Variants in CTNND2 observed in about 807,000 individuals in gnomAD.
The protein encoded by CTNND2 is catenin delta-2.
A neutral mutation model predicts 144.4 loss-of-function variants in CTNND2; 22 were observed. The observed-to-expected ratio is 0.15, with a 90% CI of 0.11 to 0.22. CTNND2 has a LOEUF of 0.22. CTNND2 is among the 10% of genes least tolerant of loss of function. The pLI is 1.00. For synonymous variants in CTNND2, 751 were observed against 695.6 expected (o/e 1.08, Z -1.25); for missense variants, 1,353 against 1,618.8 (o/e 0.84, Z 2.82).
intron 2 of CTNND2, among the ~76,000 whole-genome samples, chr5:11,651,770 G>C (rs189849376): frequency 1.3e-5 from 2 of 152,334 alleles, no homozygotes; most frequent in African/African-American, 2.4e-5. Context: ...ACTTGCATGA[G>C]GCCTGTAGCC....
chr5:11,049,460 T>C (rs113430680), intron 16 of CTNND2, among the ~76,000 whole-genome samples: 2,816 of 152,238 alleles, frequency 0.018, 96 homozygotes, highest in African/African-American at 0.064. Context: ...TTCAACCTAA[T>C]GAAAGAAACC....
intron 1 of CTNND2, among the ~76,000 whole-genome samples, chr5:11,870,150 G>A (rs928728135): frequency 1.3e-5 from 2 of 152,142 alleles, no homozygotes; most frequent in Non-Finnish European, 2.9e-5. Context: ...TTGGGTCCAC[G>A]GAAAGCCTCT....
intron 2 of CTNND2, among the ~76,000 whole-genome samples, chr5:11,567,900 G>A (rs1052339719): frequency 1.3e-4 from 20 of 152,174 alleles, no homozygotes. Context: ...GTTCTGGATA[G>A]GTTTGTATTC....
rs1489900993 is a variant in CTNND2, at chr5:11,255,796, T to C, written c.1629-18973A>G. Among the ~76,000 whole-genome samples the C allele has an allele frequency of 2.6e-5, 4 of 152,292 alleles. No individual in the cohort carries two copies. The South Asian group carries it at 8.3e-4, about 32-fold the overall frequency. The stretch of plus-strand genomic sequence containing the variant: ...AGAGCTGGAAACTCACTTTCCATAA[T>C]ACTCCCATTGCTGGAGCCATGGCCC... On this transcript the variant is annotated intron_variant, in intron 9 of 21. Transcript: ENST00000304623.
At position 11,008,981 on chromosome 5, in the gene CTNND2, C is replaced by T. The variant is rs145247765; in HGVS notation, c.3084+8993G>A. ...CCATGGAGCCATGAACTTTCATGCC[C>T]GCCCATCGCATGGGCCCCTTCCAGG... On this transcript the variant is annotated intron_variant, in intron 18 of 21. Coordinates refer to ENST00000304623, the MANE Select transcript of CTNND2 (RefSeq NM_001332.4). Among the ~76,000 whole-genome samples, 511 of 152,290 alleles carry T rather than the reference C, an allele frequency of 3.4e-3. 10 individuals are homozygous for T. The highest frequency in any genetic ancestry group is 1.5e-3 in the Non-Finnish European group (101 of 68,034).
chr5:11,654,004 TC>T (rs1419704271), intron 2 of CTNND2, among the ~76,000 whole-genome samples: 2 of 152,102 alleles, frequency 1.3e-5, no homozygotes, highest in Non-Finnish European at 2.9e-5. Context: ...ACTGTCCTTT[TC>T]CCTTTGTTTG....
At chr5:11,321,098 C>T (rs928274556) in intron 9 of CTNND2, among the ~76,000 whole-genome samples, 1 of 152,130 alleles carries the variant, frequency 6.6e-6, no homozygotes, top group Non-Finnish European at 1.5e-5. Context: ...TATCATCTTT[C>T]TACTGTTCGT....
intron 1 of CTNND2, among the ~76,000 whole-genome samples, chr5:11,817,377 G>A (rs1231461817): frequency 2.1e-5 from 1 of 48,584 alleles, no homozygotes; most frequent in African/African-American, 8.8e-5. Context: ...GAGAGAGGGG[G>A]GGAGAGAGGG....
chr5:11,769,320 A>C (rs1789782887), intron 1 of CTNND2, among the ~76,000 whole-genome samples: 1 of 152,184 alleles, frequency 6.6e-6, no homozygotes. Context: ...AACAGTATTA[A>C]CAGAAATGAT....
intron 1 of CTNND2, among the ~76,000 whole-genome samples, chr5:11,747,918 T>C (rs1581817081): frequency 6.6e-6 from 1 of 152,136 alleles, no homozygotes; most frequent in East Asian, 1.9e-4. Flanking sequence ...ATTGCAAATA[T>C]GTATCTGCCA....
chr5:11,374,602 G>C (rs950568523), intron 7 of CTNND2, among the ~76,000 whole-genome samples: 1 of 152,054 alleles, frequency 6.6e-6, no homozygotes, highest in East Asian at 1.9e-4. Context: ...TCCTTATCAA[G>C]GAGGGGGATA....
At chr5:11,711,695 T>C in intron 2 of CTNND2, among the ~76,000 whole-genome samples, 1 of 152,228 alleles carries the variant, frequency 6.6e-6, no homozygotes, top group East Asian at 1.9e-4. Context: ...TGTAACAAAA[T>C]ATATTTACAA....
intron 2 of CTNND2, among the ~76,000 whole-genome samples, chr5:11,634,468 G>A (rs915012480): frequency 2.0e-5 from 3 of 152,112 alleles, no homozygotes; most frequent in Non-Finnish European, 4.4e-5. Flanking sequence ...TCCCGTGCAC[G>A]ATTTCTCCAG....
At chr5:11,749,529 G>GTTCAA (rs1788493493) in intron 1 of CTNND2, among the ~76,000 whole-genome samples, 1 of 151,886 alleles carries the variant, frequency 6.6e-6, no homozygotes, top group African/African-American at 2.4e-5. Flanking sequence ...GACTCCTCAG[G>GTTCAA]AGCCATCTCC....
chr5:11,502,285 C>T lies in CTNND2; in HGVS notation c.287+62659G>A, dbSNP rs369782024. Among the ~76,000 whole-genome samples the T allele has an allele frequency of 5.1e-4, 78 of 152,246 alleles. 1 individual carries two copies. The highest frequency in any genetic ancestry group is 1.9e-3 in the African/African-American group (77 of 41,542). On this transcript the variant is annotated intron_variant, in intron 3 of 21. Transcript: ENST00000304623. ...TATTATGCAACCACTATGTGCTGTG[C>T]ATTTTTCTAGGTACTGACTGTATAG...
intron 3 of CTNND2, among the ~76,000 whole-genome samples, chr5:11,558,007 T>G (rs572299274): frequency 3.3e-5 from 5 of 152,080 alleles, no homozygotes; most frequent in Non-Finnish European, 5.9e-5. Context: ...AGAGGTGATT[T>G]CCAAAAAAGA....
chr5:11,050,039 A>G (rs1745671170), intron 16 of CTNND2, among the ~76,000 whole-genome samples: 1 of 152,176 alleles, frequency 6.6e-6, no homozygotes, highest in Non-Finnish European at 1.5e-5. Flanking sequence ...TCAATAATCT[A>G]TTCCTGAAAA....
chr5:11,719,173 T>C (rs1786520605), intron 2 of CTNND2, among the ~76,000 whole-genome samples: 1 of 152,228 alleles, frequency 6.6e-6, no homozygotes, highest in Non-Finnish European at 1.5e-5. Flanking sequence ...GAATCTGAAG[T>C]AAGTCTACTG....
chr5:11,820,752 T>C (rs1218131139), intron 1 of CTNND2, among the ~76,000 whole-genome samples: 2 of 152,222 alleles, frequency 1.3e-5, no homozygotes, highest in East Asian at 1.9e-4. Flanking sequence ...TCTATGTCTG[T>C]TGAACAAGTT....
Sources: gnomAD v4.1 joint callset for allele counts (sites outside exome capture counted in the v4.1 genomes callset) on GRCh38, gnomAD v4.1.1 for gene constraint, MANE v1.5 for transcripts, NCBI Gene and HGNC (gene_info 2026-07-23, HGNC 2026-07-21) for gene names.